Variants in CYTH1 observed in about 807,000 individuals in gnomAD.
CYTH1 encodes cytohesin 1.
In CYTH1, 18 loss-of-function variants were observed where a neutral mutation model predicts 61.8. The observed-to-expected ratio is 0.29, with a 90% confidence interval of 0.20 to 0.43. The LOEUF (loss-of-function observed/expected upper bound fraction) is 0.43. CYTH1 is among the 20% of genes least tolerant of loss of function. CYTH1 has a pLI of 1.00. For synonymous variants in CYTH1, 174 were observed against 184.3 expected (o/e 0.94, Z 0.45); for missense variants, 336 against 510.5 (o/e 0.66, Z 3.29).
chr17:78,755,186 T>C (rs1319139494), intron 1 of CYTH1, among the ~76,000 whole-genome samples: 1 of 152,206 alleles, frequency 6.6e-6, no homozygotes, highest in African/African-American at 2.4e-5. Flanking sequence ...TATTTATTTA[T>C]TTGTTTTGAG....
intron 11 of CYTH1, among the ~76,000 whole-genome samples, chr17:78,684,164 C>G (rs907226311): frequency 6.6e-6 from 1 of 152,192 alleles, no homozygotes; most frequent in Non-Finnish European, 1.5e-5. Flanking sequence ...TCCTGGCCCC[C>G]CCTCTTTCCT....
chr17:78,755,838 G>C (rs2093398472), intron 1 of CYTH1, among the ~76,000 whole-genome samples: 1 of 151,766 alleles, frequency 6.6e-6, no homozygotes, highest in African/African-American at 2.4e-5. Context: ...TTGAGCCCAA[G>C]AGGTTGAGGT....
chr17:78,708,832 G>A (rs2144395438), intron 2 of CYTH1: 2 of 153,386 alleles, frequency 1.3e-5, no homozygotes, highest in Middle Eastern at 6.8e-3. Flanking sequence ...GAGCTGCTTA[G>A]CTTTCTCACG....
intron 1 of CYTH1, among the ~76,000 whole-genome samples, chr17:78,714,036 TC>T (rs2093160190): frequency 6.6e-6 from 1 of 152,284 alleles, no homozygotes; most frequent in South Asian, 2.1e-4. Context: ...ACGCCTGTAA[TC>T]CTAGCACTTT....
chr17:78,685,699 C>A (rs777121027), intron 11 of CYTH1, among the ~76,000 whole-genome samples: 3 of 152,112 alleles, frequency 2.0e-5, no homozygotes, highest in Admixed American at 1.3e-4. Flanking sequence ...CATTCTCTTA[C>A]GTGCTGGATG....
chr17:78,722,291 C>T (rs2093235344), intron 1 of CYTH1, among the ~76,000 whole-genome samples: 1 of 152,222 alleles, frequency 6.6e-6, no homozygotes, highest in African/African-American at 2.4e-5. Flanking sequence ...GCTGACATAG[C>T]TGGGGTTTCC....
intron 1 of CYTH1, among the ~76,000 whole-genome samples, chr17:78,758,747 A>T (rs959905763): frequency 6.6e-6 from 1 of 152,018 alleles, no homozygotes; most frequent in African/African-American, 2.4e-5. Flanking sequence ...AAAAGAAAGG[A>T]AAGTGCTAAG....
At chr17:78,731,755 C>CAAAAAAAAAAAAAAAA (rs376349109) in intron 1 of CYTH1, among the ~76,000 whole-genome samples, 5 of 73,620 alleles carry the variant, frequency 6.8e-5, no homozygotes, top group African/African-American at 1.9e-4. Context: ...GACTCCGTCT[C>CAAAAAAAAAAAAAAAA]AAAAAAAAAA....
chr17:78,737,946 AT>A (rs534774353), intron 1 of CYTH1, among the ~76,000 whole-genome samples: 1 of 151,962 alleles, frequency 6.6e-6, no homozygotes, highest in Non-Finnish European at 1.5e-5. Context: ...TACTTATAAC[AT>A]TTTTTCATGA....
chr17:78,775,692 C>A (rs1159726493), intron 1 of CYTH1, among the ~76,000 whole-genome samples: 1 of 152,130 alleles, frequency 6.6e-6, no homozygotes, highest in East Asian at 1.9e-4. Flanking sequence ...CATTTGCAGA[C>A]GTCTCTTCCT....
At chr17:78,748,272 G>A (rs919772758) in intron 1 of CYTH1, among the ~76,000 whole-genome samples, 2 of 152,200 alleles carry the variant, frequency 1.3e-5, no homozygotes, top group South Asian at 2.1e-4. Flanking sequence ...CCAGCTTGGC[G>A]TGGTTTTACT....
chr17:78,705,704 T>C (rs2093058263), intron 3 of CYTH1, among the ~76,000 whole-genome samples: 2 of 152,134 alleles, frequency 1.3e-5, no homozygotes. Context: ...GCAGAATCAC[T>C]TCCGTCTTGG....
chr17:78,689,126 A>G (rs529226650), intron 11 of CYTH1, among the ~76,000 whole-genome samples: 5 of 152,296 alleles, frequency 3.3e-5, no homozygotes, highest in African/African-American at 9.6e-5. Flanking sequence ...ACGGACTGAA[A>G]TAAGTGTTGG....
intron 1 of CYTH1, among the ~76,000 whole-genome samples, chr17:78,764,353 C>T (rs764864701): frequency 6.6e-6 from 1 of 151,552 alleles, no homozygotes; most frequent in Non-Finnish European, 1.5e-5. Context: ...CACCCCACCA[C>T]GCCCAGCTAA....
chr17:78,760,398 T>TAC (rs1307067556), intron 1 of CYTH1, among the ~76,000 whole-genome samples: 11 of 43,226 alleles, frequency 2.5e-4, no homozygotes, highest in Admixed American at 5.2e-4. Flanking sequence ...CACACATACA[T>TAC]ATATATATGT....
chr17:78,676,207 G>C, intron 13 of CYTH1, 38 bp from the exon 14 acceptor site: 2 of 1,570,436 alleles, frequency 1.3e-6, no homozygotes, highest in Non-Finnish European at 1.7e-6. Context: ...AGACGTGAGG[G>C]ACAGAATCAG....
rs1007472148 is a variant in CYTH1 at position 78,712,990 on chromosome 17, T to C, written c.23-3258A>G. ...AAGACCCAGGACTCCAGCTCAGCAATCCATCAGCATTATGTGGATTCTAAC... is the reference window on the plus strand; with the variant it reads ...AAGACCCAGGACTCCAGCTCAGCAACCCATCAGCATTATGTGGATTCTAAC... On this transcript the variant is annotated intron_variant, in intron 1 of 13. Transcript: ENST00000446868. Among the ~76,000 whole-genome samples, 14 of 151,892 alleles carry C rather than the reference T, an allele frequency of 9.2e-5. No individual in the cohort carries two copies. In the South Asian group the frequency reaches 2.5e-3, roughly 27 times the overall value.
At chr17:78,738,645 GT>G (rs2093330708) in intron 1 of CYTH1, among the ~76,000 whole-genome samples, 1 of 151,622 alleles carries the variant, frequency 6.6e-6, no homozygotes, top group African/African-American at 2.4e-5. Context: ...AAAACACTTT[GT>G]TTTGTAGAGG....
rs1262891437 is a variant in CYTH1, at chr17:78,776,652, C to T, written c.22+5550G>A. ...CCAGGCTGGACAACAGAGCGAGACT[C>T]TGTCTCAAAAAAAAAAAAAAAAAAA... On this transcript the variant is annotated intron_variant, in intron 1 of 13. Coordinates refer to ENST00000446868, the MANE Select transcript of CYTH1 (RefSeq NM_004762.6). Among the ~76,000 whole-genome samples, 3 of 117,670 alleles carry T rather than the reference C, an allele frequency of 2.5e-5. No individual in the cohort carries two copies. The East Asian group carries it at 7.3e-4, about 29-fold the overall frequency. 77.2% of individuals were successfully genotyped at this position (117,670 alleles called of 152,430 possible). A position where few individuals can be genotyped will look rare whatever the true frequency, so the allele number is the denominator to read the frequency against.
Sources: allele counts gnomAD v4.1 joint callset (sites outside exome capture counted in the v4.1 genomes callset), GRCh38; gene constraint gnomAD v4.1.1; transcripts MANE v1.5; gene names NCBI Gene and HGNC (gene_info 2026-07-23, HGNC 2026-07-21).